ZNF385B: variants seen among roughly 807,000 people sequenced by gnomAD.
The protein encoded by ZNF385B is zinc finger protein 533.
ZNF385B carries 23 observed loss-of-function variants against 39.2 expected under a neutral mutation model. The ratio of observed to expected loss-of-function variants is 0.59; its 90% CI spans 0.42 to 0.83. The LOEUF (loss-of-function observed/expected upper bound fraction) is 0.83, where lower values mean the gene tolerates loss of function less well. Ranked by LOEUF, ZNF385B falls within the 40% of genes least tolerant of loss-of-function variation. ZNF385B has a pLI of 0.00. For missense variants in ZNF385B, 552 were observed against 598.9 expected, an observed-to-expected ratio of 0.92 and a Z score of 0.82; for synonymous variants, 205 against 222.6, an observed-to-expected ratio of 0.92 and a Z score of 0.70.
intron 3 of ZNF385B, among the ~76,000 whole-genome samples, chr2:179,573,510 T>G (rs1685467037): frequency 6.6e-6 from 1 of 152,144 alleles, no homozygotes; most frequent in Non-Finnish European, 1.5e-5. Context: ...AAGTAAAATT[T>G]ATCATTTTGC....
At chr2:179,675,178 G>A (rs1485322683) in intron 3 of ZNF385B, among the ~76,000 whole-genome samples, 2 of 151,964 alleles carry the variant, frequency 1.3e-5, no homozygotes, top group East Asian at 1.9e-4. Flanking sequence ...TTTGCAATAA[G>A]GTAAGCTAGA....
chr2:179,766,366 C>T (rs758466769), intron 3 of ZNF385B, among the ~76,000 whole-genome samples: 33 of 152,040 alleles, frequency 2.2e-4, no homozygotes, highest in Non-Finnish European at 4.3e-4. Context: ...AAATGGGCTT[C>T]GATTTTCTTC....
intron 1 of ZNF385B, among the ~76,000 whole-genome samples, chr2:179,782,977 C>A (rs1318781032): frequency 1.3e-5 from 2 of 151,910 alleles, no homozygotes; most frequent in Non-Finnish European, 2.9e-5. Context: ...AACTAGAAAA[C>A]AATCTTTTAA....
intron 3 of ZNF385B, among the ~76,000 whole-genome samples, chr2:179,684,757 C>G (rs1461683476): frequency 6.6e-6 from 1 of 152,182 alleles, no homozygotes; most frequent in Non-Finnish European, 1.5e-5. Flanking sequence ...CTAGTTCATC[C>G]ACAATAACCT....
rs567919104 is a variant in ZNF385B, at chr2:179,584,619, G to A, written c.299-39650C>T. ...AAAGGTGGCTTAGAAGGCATGGAGT[G>A]GGGAAGTATGCATGAGGTAAGTAGG... On this transcript the variant is annotated intron_variant, in intron 3 of 9. Coordinates refer to ENST00000410066, the MANE Select transcript of ZNF385B (RefSeq NM_152520.6). Among the ~76,000 whole-genome samples, 179 of 152,242 alleles carry A rather than the reference G, an allele frequency of 1.2e-3. 2 individuals are homozygous for A. Among genetic ancestry groups the A allele is most frequent in the Admixed American group, 2.7e-3 (42 of 15,284 alleles).
chr2:179,696,326 C>CTGTTTTTTTTTTTTTTTTTT (rs1698742555), intron 3 of ZNF385B, among the ~76,000 whole-genome samples: 1 of 40,356 alleles, frequency 2.5e-5, no homozygotes, highest in Non-Finnish European at 4.1e-5. Flanking sequence ...CAAACTGGGA[C>CTGTTTTTTTTTTTTTTTTTT]TTTTTTTTTT....
At chr2:179,835,019 A>T (rs1708171837) in intron 1 of ZNF385B, among the ~76,000 whole-genome samples, 1 of 152,216 alleles carries the variant, frequency 6.6e-6, no homozygotes, top group Admixed American at 6.5e-5. Context: ...ACTCTGAATT[A>T]GAGGAGACTA....
chr2:179,732,055 C>T (rs934075280), intron 3 of ZNF385B, among the ~76,000 whole-genome samples: 3 of 152,170 alleles, frequency 2.0e-5, no homozygotes, highest in African/African-American at 7.2e-5. Context: ...CTTTTTTGCA[C>T]AAATGCTCAG....
intron 3 of ZNF385B, chr2:179,562,441 A>C: frequency 1.0e-6 from 1 of 985,380 alleles, no homozygotes; most frequent in Non-Finnish European, 1.2e-6. Flanking sequence ...TCTGCATTTG[A>C]GCACTGTACG....
chr2:179,684,053 T>C (rs1347051581), intron 3 of ZNF385B, among the ~76,000 whole-genome samples: 1 of 152,206 alleles, frequency 6.6e-6, no homozygotes, highest in East Asian at 1.9e-4. Flanking sequence ...TTCTGAAAGA[T>C]GGACCTTGGA....
At chr2:179,816,143 C>T (rs1273518914) in intron 1 of ZNF385B, among the ~76,000 whole-genome samples, 1 of 152,286 alleles carries the variant, frequency 6.6e-6, no homozygotes, top group Non-Finnish European at 1.5e-5. Flanking sequence ...CCCCAAATTA[C>T]CCATTTAACT....
chr2:179,700,766 C>T (rs920674869), intron 3 of ZNF385B, among the ~76,000 whole-genome samples: 3 of 152,172 alleles, frequency 2.0e-5, no homozygotes, highest in Non-Finnish European at 4.4e-5. Context: ...GTAATCCCAA[C>T]GCTTTGGAAG....
intron 1 of ZNF385B, among the ~76,000 whole-genome samples, chr2:179,798,044 C>T (rs933155467): frequency 5.9e-5 from 9 of 152,002 alleles, no homozygotes; most frequent in Non-Finnish European, 8.8e-5. Context: ...CTGAGTTGGG[C>T]CACTAGAATC....
At chr2:179,760,762 T>C (rs533247452) in intron 3 of ZNF385B, among the ~76,000 whole-genome samples, 1 of 152,132 alleles carries the variant, frequency 6.6e-6, no homozygotes, top group African/African-American at 2.4e-5. Flanking sequence ...AGAAAAGACA[T>C]AGACACACAG....
At chr2:179,556,387 G>C (rs1241590323) in intron 3 of ZNF385B, among the ~76,000 whole-genome samples, 1 of 149,434 alleles carries the variant, frequency 6.7e-6, no homozygotes, top group East Asian at 1.9e-4. Context: ...TAGTTTCTCA[G>C]CTTATAACCC....
chr2:179,459,218 G>T (rs904188868), intron 6 of ZNF385B, among the ~76,000 whole-genome samples: 2 of 152,048 alleles, frequency 1.3e-5, no homozygotes, highest in Non-Finnish European at 2.9e-5. Flanking sequence ...TTTTGTTTTT[G>T]ATAATGTATG....
At position 179,855,818 on chromosome 2, in the gene ZNF385B, C is replaced by CT. The variant is rs77486308; in HGVS notation, c.-155+5282dup. Among the ~76,000 whole-genome samples, 719 of 152,296 alleles carry CT rather than the reference C, an allele frequency of 4.7e-3. 22 individuals are homozygous for CT. In the South Asian group the frequency reaches 0.078, roughly 17 times the overall value. Reference sequence around the variant, plus strand: ...TTGAACAACCACAGTGTGCACAGTACTCTACTGCTGGCTCCAGGGTCATTA... The same window carrying CT: ...TTGAACAACCACAGTGTGCACAGTACTTCTACTGCTGGCTCCAGGGTCATTA... On this transcript the variant is annotated intron_variant, in intron 1 of 9. Transcript: ENST00000410066.
intron 3 of ZNF385B, among the ~76,000 whole-genome samples, chr2:179,654,181 T>G (rs1275430812): frequency 1.2e-4 from 18 of 152,116 alleles, no homozygotes; most frequent in Admixed American, 1.2e-3. Context: ...TGTGAAAAGG[T>G]TGTCCTTGTT....
chr2:179,581,618 A>T (rs1686528287), intron 3 of ZNF385B, among the ~76,000 whole-genome samples: 1 of 152,196 alleles, frequency 6.6e-6, no homozygotes, highest in Non-Finnish European at 1.5e-5. Flanking sequence ...TACTCTAGGT[A>T]CTTATGGTAG....
Sources: allele counts gnomAD v4.1 joint callset (sites outside exome capture counted in the v4.1 genomes callset), GRCh38; gene constraint gnomAD v4.1.1; transcripts MANE v1.5; gene names NCBI Gene and HGNC (gene_info 2026-07-23, HGNC 2026-07-21).